Variants in PTPRK observed in about 807,000 individuals in gnomAD.
PTPRK encodes the protein receptor-type tyrosine-protein phosphatase kappa.
Under a neutral mutation model 178.0 loss-of-function variants are expected in PTPRK, and 75 were observed. The ratio of observed to expected loss-of-function variants is 0.42; its 90% CI spans 0.35 to 0.51. The LOEUF (loss-of-function observed/expected upper bound fraction) is 0.51, where lower values mean the gene tolerates loss of function less well. Ranked by LOEUF, PTPRK falls within the 20% of genes least tolerant of loss-of-function variation. The probability of loss-of-function intolerance (pLI) is 0.02; values close to 1 mark genes in which losing one functional copy is unlikely to be tolerated. For synonymous variants in PTPRK, 637 were observed against 620.6 expected, an observed-to-expected ratio of 1.03 and a Z score of -0.39; for missense variants, 1,441 against 1,797.8, an observed-to-expected ratio of 0.80 and a Z score of 3.59.
At chr6:128,058,339 T>G (rs1286029134) in intron 13 of PTPRK, among the ~76,000 whole-genome samples, 5 of 152,162 alleles carry the variant, frequency 3.3e-5, no homozygotes, top group Non-Finnish European at 7.4e-5. Flanking sequence ...TCTACACTTT[T>G]TCATTTTACT....
intron 2 of PTPRK, among the ~76,000 whole-genome samples, chr6:128,388,195 G>A (rs1839038790): frequency 6.6e-6 from 1 of 152,086 alleles, no homozygotes; most frequent in Admixed American, 6.5e-5. Flanking sequence ...AAAGTTTTTT[G>A]TGTTTATTTA....
chr6:128,446,016 G>T (rs1846971900), intron 1 of PTPRK, among the ~76,000 whole-genome samples: 1 of 151,590 alleles, frequency 6.6e-6, no homozygotes, highest in African/African-American at 2.4e-5. Flanking sequence ...CAAAAGGCAT[G>T]TTAACTGCAG....
intron 7 of PTPRK, among the ~76,000 whole-genome samples, chr6:128,101,262 C>G (rs1420554597): frequency 6.6e-6 from 1 of 152,054 alleles, no homozygotes; most frequent in Admixed American, 6.6e-5. Context: ...CTCTTGAATT[C>G]TGGCTCTGAA....
At chr6:128,079,645 G>A (rs1784458162) in intron 10 of PTPRK, among the ~76,000 whole-genome samples, 1 of 152,020 alleles carries the variant, frequency 6.6e-6, no homozygotes, top group South Asian at 2.1e-4. Flanking sequence ...AATGAAATGT[G>A]TGCATTATCT....
At chr6:128,147,767 T>A (rs139556548) in intron 7 of PTPRK, among the ~76,000 whole-genome samples, 1 of 152,204 alleles carries the variant, frequency 6.6e-6, no homozygotes, top group South Asian at 2.1e-4. Context: ...CAATAAAAAC[T>A]GAGAAGTGAG....
chr6:128,452,669 C>A (rs1847935932), intron 1 of PTPRK, among the ~76,000 whole-genome samples: 1 of 152,150 alleles, frequency 6.6e-6, no homozygotes, highest in African/African-American at 2.4e-5. Flanking sequence ...ATACCTTATT[C>A]TTTCACTGTC....
chr6:128,374,463 A>G (rs1836736432), intron 2 of PTPRK, among the ~76,000 whole-genome samples: 1 of 152,060 alleles, frequency 6.6e-6, no homozygotes, highest in Admixed American at 6.6e-5. Flanking sequence ...CTTCCCAAAC[A>G]TCTGCCCCTC....
chr6:128,362,465 T>A (rs1351973700), intron 2 of PTPRK, among the ~76,000 whole-genome samples: 1 of 152,170 alleles, frequency 6.6e-6, no homozygotes, highest in African/African-American at 2.4e-5. Flanking sequence ...TTTAAACCTA[T>A]GATGGGCACA....
chr6:128,171,124 A>G (rs1800186513), intron 7 of PTPRK, among the ~76,000 whole-genome samples: 1 of 152,030 alleles, frequency 6.6e-6, no homozygotes, highest in Admixed American at 6.6e-5. Flanking sequence ...TAGGTGGAGT[A>G]GAGAGAAGAG....
chr6:128,173,368 T>A (rs1394386181), intron 7 of PTPRK, among the ~76,000 whole-genome samples: 1 of 152,000 alleles, frequency 6.6e-6, no homozygotes, highest in Admixed American at 6.6e-5. Context: ...TACTAACATA[T>A]ACAGTGAAAT....
intron 7 of PTPRK, among the ~76,000 whole-genome samples, chr6:128,117,095 G>A (rs1025157541): frequency 1.1e-4 from 16 of 151,920 alleles, no homozygotes; most frequent in Middle Eastern, 3.4e-3. Flanking sequence ...GCAGTGAGCC[G>A]AGATCATACC....
At chr6:128,481,483 A>T (rs1852071500) in intron 1 of PTPRK, among the ~76,000 whole-genome samples, 1 of 151,982 alleles carries the variant, frequency 6.6e-6, no homozygotes, top group Non-Finnish European at 1.5e-5. Context: ...ATGGAAACTC[A>T]CTCTTTAAGT....
chr6:128,427,315 A>T (rs2128391044), intron 1 of PTPRK, among the ~76,000 whole-genome samples: 1 of 152,232 alleles, frequency 6.6e-6, no homozygotes, highest in Admixed American at 6.5e-5. Context: ...CAGTTCCAAG[A>T]TTTCAATCCA....
intron 2 of PTPRK, among the ~76,000 whole-genome samples, chr6:128,356,026 C>G (rs1247632023): frequency 6.6e-6 from 1 of 152,102 alleles, no homozygotes; most frequent in Non-Finnish European, 1.5e-5. Flanking sequence ...GAAAATCAGT[C>G]TATACACAAT....
intron 18 of PTPRK, among the ~76,000 whole-genome samples, chr6:127,995,090 T>C (rs1157797723): frequency 6.6e-6 from 1 of 151,944 alleles, no homozygotes; most frequent in Non-Finnish European, 1.5e-5. Flanking sequence ...TTTACGCATG[T>C]GAAAGAATTA....
In PTPRK at chr6:127,985,842, A is replaced by G; in HGVS notation, c.3130T>C (p.Phe1044Leu). The change falls in exon 22 of 30, where the codon TTC becomes CTC. Residue 1044 changes from phenylalanine (F) to leucine (L), a missense_variant. By Grantham distance (22) the Phe-to-Leu change is conservative. Around this residue, in one of 4 missense-constraint regions of PTPRK, gnomAD observed 335 missense variants for 512.4 expected, o/e 0.65. Transcript: ENST00000368226. ...TGGTCAGGCCAGCCCGTGAAATGGAACTGTTTAACTTCACGGATTTCATTG... is the reference window on the plus strand; with the variant it reads ...TGGTCAGGCCAGCCCGTGAAATGGAGCTGTTTAACTTCACGGATTTCATTG... Reference protein sequence around the residue: ...GYNEIREVKQFHFTGWPDHGV... With the variant: ...GYNEIREVKQLHFTGWPDHGV... The G allele has an allele frequency of 6.2e-7, 1 of 1,612,908 alleles. No individual in the cohort carries two copies. Among genetic ancestry groups the G allele is most frequent in the East Asian group, 2.2e-5 (1 of 44,830 alleles).
At chr6:128,344,051 T>C (rs2128333297) in intron 2 of PTPRK, among the ~76,000 whole-genome samples, 1 of 152,316 alleles carries the variant, frequency 6.6e-6, no homozygotes, top group Non-Finnish European at 1.5e-5. Flanking sequence ...TATAGGAATG[T>C]TGGGGCCATA....
intron 3 of PTPRK, among the ~76,000 whole-genome samples, chr6:128,314,711 G>A (rs567572528): frequency 6.6e-6 from 1 of 152,176 alleles, no homozygotes; most frequent in East Asian, 1.9e-4. Flanking sequence ...GTCACTCAGT[G>A]AGCAAGGAGG....
At chr6:128,183,548 A>G (rs777161004) in intron 7 of PTPRK, among the ~76,000 whole-genome samples, 11 of 152,166 alleles carry the variant, frequency 7.2e-5, no homozygotes, top group Non-Finnish European at 1.3e-4. Context: ...AATATGTTCT[A>G]CGATACATCA....
Sources: gnomAD v4.1 joint callset for allele counts (sites outside exome capture counted in the v4.1 genomes callset) on GRCh38, gnomAD v4.1.1 for gene constraint, gnomAD v4.1.1 regional missense constraint, MANE v1.5 for transcripts, NCBI Gene and HGNC (gene_info 2026-07-23, HGNC 2026-07-21) for gene names.